CDH13: variants seen among roughly 807,000 people sequenced by gnomAD.
The protein encoded by CDH13 is cadherin 13, also known as cadherin-13.
Under a neutral mutation model 63.8 loss-of-function variants are expected in CDH13, and 24 were observed. The ratio of observed to expected loss-of-function variants is 0.38; its 90% CI spans 0.27 to 0.53. The LOEUF (loss-of-function observed/expected upper bound fraction) is 0.53, where lower values mean the gene tolerates loss of function less well. Ranked by LOEUF, CDH13 falls within the 20% of genes least tolerant of loss-of-function variation. The probability of loss-of-function intolerance (pLI) is 0.85; values close to 1 mark genes in which losing one functional copy is unlikely to be tolerated. For missense variants in CDH13, 1,049 were observed against 903.1 expected, an observed-to-expected ratio of 1.16 and a Z score of -2.07; for synonymous variants, 503 against 355.3, an observed-to-expected ratio of 1.42 and a Z score of -4.67.
At chr16:83,357,582 C>T (rs186405113) in intron 6 of CDH13, among the ~76,000 whole-genome samples, 1 of 150,428 alleles carries the variant, frequency 6.6e-6, no homozygotes, top group East Asian at 2.0e-4. Flanking sequence ...TGATTTTGTT[C>T]CCAGGAGACA....
intron 3 of CDH13, among the ~76,000 whole-genome samples, chr16:83,096,286 C>G (rs1244647176): frequency 6.6e-6 from 1 of 152,220 alleles, no homozygotes; most frequent in South Asian, 2.1e-4. Flanking sequence ...GTCTGCAGCT[C>G]TACCTGAGAG....
intron 1 of CDH13, among the ~76,000 whole-genome samples, chr16:82,789,622 C>T (rs567486195): frequency 6.6e-6 from 1 of 152,220 alleles, no homozygotes; most frequent in Non-Finnish European, 1.5e-5. Flanking sequence ...GCAGGACACA[C>T]CTGTTTCTAC....
At chr16:82,707,173 A>G (rs769445943) in intron 1 of CDH13, among the ~76,000 whole-genome samples, 10 of 152,218 alleles carry the variant, frequency 6.6e-5, no homozygotes, top group Admixed American at 3.3e-4. Context: ...TAGTTGTATC[A>G]AGCTTAACTA....
At chr16:82,930,948 T>C (rs1416106385) in intron 2 of CDH13, among the ~76,000 whole-genome samples, 1 of 152,244 alleles carries the variant, frequency 6.6e-6, no homozygotes, top group East Asian at 1.9e-4. Context: ...ACTTGTGGCT[T>C]TGTCATTTCC....
At chr16:82,990,174 C>T (rs1181385952) in intron 2 of CDH13, 1 of 152,086 alleles carries the variant, frequency 6.6e-6, no homozygotes, top group African/African-American at 2.4e-5. Context: ...AGTCAGAGAG[C>T]CAACTGCCAA....
chr16:83,006,461 A>T (rs552630484), intron 2 of CDH13, among the ~76,000 whole-genome samples: 1 of 152,290 alleles, frequency 6.6e-6, no homozygotes, highest in Admixed American at 6.5e-5. Context: ...TCAGGGACAA[A>T]TCAAAGGCTA....
intron 2 of CDH13, among the ~76,000 whole-genome samples, chr16:82,863,266 G>A (rs1460490054): frequency 1.3e-5 from 2 of 152,144 alleles, no homozygotes; most frequent in African/African-American, 2.4e-5. Flanking sequence ...GTGCACCTGC[G>A]ACTATGTCCT....
intron 1 of CDH13, among the ~76,000 whole-genome samples, chr16:82,630,420 T>G (rs1907866314): frequency 6.6e-6 from 1 of 152,240 alleles, no homozygotes; most frequent in African/African-American, 2.4e-5. Flanking sequence ...CAGTCTATAC[T>G]AAAAGCCCCA....
chr16:82,761,216 C>T (rs779528076), intron 1 of CDH13, among the ~76,000 whole-genome samples: 2 of 151,398 alleles, frequency 1.3e-5, no homozygotes, highest in Non-Finnish European at 2.9e-5. Context: ...CGGGGTTTCA[C>T]CATATTGGCC....
chr16:83,609,482 G>T (rs1908662406), intron 8 of CDH13, among the ~76,000 whole-genome samples: 1 of 152,210 alleles, frequency 6.6e-6, no homozygotes, highest in African/African-American at 2.4e-5. Flanking sequence ...GAGCATGGAA[G>T]ATCAAATCGG....
chr16:83,735,780 A>T (rs1398786868), intron 10 of CDH13: 1 of 152,238 alleles, frequency 6.6e-6, no homozygotes, highest in Non-Finnish European at 1.5e-5. Context: ...GACCAGGTAG[A>T]TACCAGGAGT....
chr16:82,718,441 G>A (rs1206011212), intron 1 of CDH13, among the ~76,000 whole-genome samples: 2 of 152,148 alleles, frequency 1.3e-5, no homozygotes, highest in African/African-American at 4.8e-5. Context: ...AGTAGAAGTA[G>A]GAAGTAACCA....
chr16:83,349,894 C>G (rs902288210), intron 6 of CDH13, among the ~76,000 whole-genome samples: 4 of 152,130 alleles, frequency 2.6e-5, no homozygotes, highest in Non-Finnish European at 4.4e-5. Context: ...GTCACTGCAC[C>G]TGGCCCTTGA....
intron 3 of CDH13, among the ~76,000 whole-genome samples, chr16:83,058,778 G>C (rs946596807): frequency 2.6e-5 from 4 of 152,156 alleles, no homozygotes; most frequent in Non-Finnish European, 4.4e-5. Context: ...AAAAACAAAC[G>C]TGCAGTCTGA....
chr16:83,337,748 A>C (rs1393711284), intron 5 of CDH13, among the ~76,000 whole-genome samples: 1 of 149,602 alleles, frequency 6.7e-6, no homozygotes, highest in East Asian at 2.0e-4. Flanking sequence ...AGGATGCTAC[A>C]TAATATACAG....
At chr16:83,235,356 T>C (rs1341322071) in intron 5 of CDH13, among the ~76,000 whole-genome samples, 1 of 152,142 alleles carries the variant, frequency 6.6e-6, no homozygotes, top group Non-Finnish European at 1.5e-5. Context: ...ATGAAAATAA[T>C]AAAATCCACC....
At chr16:83,121,629 G>A (rs2035580663) in intron 3 of CDH13, among the ~76,000 whole-genome samples, 2 of 152,292 alleles carry the variant, frequency 1.3e-5, no homozygotes, top group East Asian at 1.9e-4. Context: ...AAACCCAAAT[G>A]TAACTTTGTC....
chr16:82,685,311 C>T (rs1355319895), intron 1 of CDH13, among the ~76,000 whole-genome samples: 2 of 152,166 alleles, frequency 1.3e-5, no homozygotes, highest in East Asian at 3.9e-4. Flanking sequence ...ATCCATGGTG[C>T]CATCTAGCCG....
intron 6 of CDH13, among the ~76,000 whole-genome samples, chr16:83,398,523 G>A (rs1194193595): frequency 6.6e-6 from 1 of 152,098 alleles, no homozygotes; most frequent in African/African-American, 2.4e-5. Context: ...CATTACATCT[G>A]CAAAGACACA....
Sources: gnomAD v4.1 joint callset for allele counts (sites outside exome capture counted in the v4.1 genomes callset) on GRCh38, gnomAD v4.1.1 for gene constraint, MANE v1.5 for transcripts, NCBI Gene and HGNC (gene_info 2026-07-23, HGNC 2026-07-21) for gene names.